Variants in NDST1 observed in about 807,000 individuals in gnomAD.
NDST1 encodes the protein N-deacetylase and N-sulfotransferase 1, also known as bifunctional heparan sulfate N-deacetylase/N-sulfotransferase 1.
A neutral mutation model predicts 92.8 loss-of-function variants in NDST1; 35 were observed. The observed-to-expected ratio is 0.38, with a 90% CI of 0.29 to 0.50. The LOEUF is 0.50. Ranked by LOEUF, NDST1 falls within the 20% of genes least tolerant of loss-of-function variation. The pLI is 0.94. For missense variants in NDST1, 822 were observed against 1,182.7 expected (o/e 0.69, Z 4.47); for synonymous variants, 493 against 500.3 (o/e 0.99, Z 0.19).
intron 13 of NDST1, among the ~76,000 whole-genome samples, chr5:150,550,120 TTA>T (rs899434056): frequency 3.3e-5 from 5 of 151,752 alleles, no homozygotes; most frequent in African/African-American, 4.8e-5. Context: ...TTTTTTTTTT[TTA>T]GACAGGGTCA....
chr5:150,544,755 G>A (rs978598867), intron 10 of NDST1, among the ~76,000 whole-genome samples: 2 of 152,332 alleles, frequency 1.3e-5, no homozygotes, highest in East Asian at 3.9e-4. Flanking sequence ...CATTAGTCTG[G>A]AAAGCCGTGC....
chr5:150,544,679 G>T (rs1581404523), intron 10 of NDST1, among the ~76,000 whole-genome samples: 1 of 152,226 alleles, frequency 6.6e-6, no homozygotes, highest in Non-Finnish European at 1.5e-5. Flanking sequence ...GGAGGGTCTG[G>T]AGTGTTCCTT....
Position 150,558,200 on chromosome 5 carries a change from G to A in NDST1, c.*4868G>A, listed in dbSNP as rs567388325. On this transcript the variant is annotated 3_prime_UTR_variant, in exon 15 of 15. Coordinates refer to ENST00000261797, the MANE Select transcript of NDST1 (RefSeq NM_001543.5). ...TCGAACTAACTGCTAATAAAGTGGG[G>A]TTCTGTTTGTACACCTTGGTCCTGT... 2 of 152,782 alleles carry A rather than the reference G, an allele frequency of 1.3e-5. No individual in the cohort carries two copies. Among genetic ancestry groups the A allele is most frequent in the East Asian group, 3.9e-4 (2 of 5,186 alleles). The allele number at this position is 152,782 out of a possible 1,614,324, so 9.5% of individuals were successfully genotyped here.
Position 150,539,314 on chromosome 5 carries a change from C to A in NDST1, c.1524C>A (p.Ile508=). The A allele has an allele frequency of 6.2e-7, 1 of 1,614,170 alleles. No individual in the cohort carries two copies. Among genetic ancestry groups the A allele is most frequent in the Non-Finnish European group, 8.5e-7 (1 of 1,180,034 alleles). The change falls in exon 7 of 15, where the codon ATC becomes ATA. Residue 508 remains isoleucine (I), a synonymous_variant. Transcript: ENST00000261797. ...YPGGSSELDK[I]INGGELFLTV... ...GCGGCTCCAGTGAGCTGGACAAGAT[C>A]ATCAACGGGGGCGAGCTCTTCCTCA...
At chr5:150,535,257 G>A (rs1393371825) in intron 5 of NDST1, 2 of 951,396 alleles carry the variant, frequency 2.1e-6, no homozygotes, top group African/African-American at 1.8e-5. Context: ...CTACTAAGAG[G>A]TCCAGCTGGG....
chr5:150,507,707 A>T (rs1021893459), upstream of NDST1: 11 of 152,404 alleles, frequency 7.2e-5, no homozygotes, highest in African/African-American at 2.4e-4. Flanking sequence ...AGGTGGGGAA[A>T]CTGAGGTCTG....
chr5:150,526,763 G>T (rs908587087), intron 2 of NDST1, among the ~76,000 whole-genome samples: 1 of 152,238 alleles, frequency 6.6e-6, no homozygotes, highest in African/African-American at 2.4e-5. Context: ...AGACGGAATG[G>T]AATTGGCACA....
At chr5:150,526,965 G>A (rs1338348971) in intron 2 of NDST1, among the ~76,000 whole-genome samples, 3 of 152,240 alleles carry the variant, frequency 2.0e-5, no homozygotes, top group African/African-American at 4.8e-5. Flanking sequence ...GCAGTGACCG[G>A]GCAGGCACCA....
chr5:150,506,038 A>G (rs1484837825), upstream of NDST1, among the ~76,000 whole-genome samples: 1 of 152,188 alleles, frequency 6.6e-6, no homozygotes, highest in Non-Finnish European at 1.5e-5. Flanking sequence ...GGCCGGGCCT[A>G]GGATGAGGCA....
intron 10 of NDST1, among the ~76,000 whole-genome samples, chr5:150,543,866 G>C (rs566629692): frequency 1.3e-5 from 2 of 151,560 alleles, no homozygotes; most frequent in South Asian, 4.2e-4. Context: ...TGCAACCTCT[G>C]CTTCCCGGGT....
At chr5:150,505,649 G>T (rs375888245), upstream of NDST1, among the ~76,000 whole-genome samples, 8 of 152,140 alleles carry the variant, frequency 5.3e-5, no homozygotes, top group East Asian at 5.8e-4. Flanking sequence ...AGGAAGCTGG[G>T]GCCACTGTGC....
intron 1 of NDST1, among the ~76,000 whole-genome samples, chr5:150,512,057 C>T (rs1404472156): frequency 2.0e-5 from 3 of 152,042 alleles, no homozygotes; most frequent in African/African-American, 7.3e-5. Context: ...GGCCTGCAGC[C>T]ACTGCTACGC....
At position 150,521,900 on chromosome 5, in the gene NDST1, A is replaced by G. The variant is rs1581367073; in HGVS notation, c.513+133A>G. Reference sequence around the variant, plus strand: ...TGTTGGGAGGGTTAAATGAGTGAGTATATGTAAAGCACTGGGAGCATGCGG... The same window carrying G: ...TGTTGGGAGGGTTAAATGAGTGAGTGTATGTAAAGCACTGGGAGCATGCGG... On this transcript the variant is annotated intron_variant, in intron 2 of 14. Coordinates refer to ENST00000261797, the MANE Select transcript of NDST1 (RefSeq NM_001543.5). The surrounding 1 kb of genome is among the most constrained non-coding windows in gnomAD (Gnocchi z 5.9). 3 of 1,193,394 alleles carry G rather than the reference A, an allele frequency of 2.5e-6. No individual in the cohort carries two copies. The East Asian group carries it at 7.3e-5, about 29-fold the overall frequency. The allele number at this position is 1,193,394 out of a possible 1,614,324, so 73.9% of individuals were successfully genotyped here. A position where few individuals can be genotyped will look rare whatever the true frequency, so the allele number is the denominator to read the frequency against.
In NDST1 at chr5:150,556,156, A is replaced by G. The variant is rs1417714345; in HGVS notation, c.*2824A>G. On this transcript the variant is annotated 3_prime_UTR_variant, in exon 15 of 15. Transcript: ENST00000261797. ...TCACTCTAAGCATTTGGCCAAAAAA[A>G]GGAGAGAGAAATAACTGAAATTGTT... The G allele has an allele frequency of 1.3e-5, 2 of 152,250 alleles. No individual in the cohort carries two copies. Among genetic ancestry groups the G allele is most frequent in the Non-Finnish European group, 2.9e-5 (2 of 68,066 alleles). 9.4% of individuals were successfully genotyped at this position (152,250 alleles called of 1,614,324 possible).
intron 1 of NDST1, among the ~76,000 whole-genome samples, chr5:150,520,031 A>G (rs1754172433): frequency 6.6e-6 from 1 of 152,060 alleles, no homozygotes; most frequent in African/African-American, 2.4e-5. Flanking sequence ...CAGGAAGGCT[A>G]TTTGGTCATC....
chr5:150,542,262 G>T (rs1016604195), intron 9 of NDST1, among the ~76,000 whole-genome samples: 12 of 152,108 alleles, frequency 7.9e-5, no homozygotes, highest in African/African-American at 2.7e-4. Flanking sequence ...TCTCTTCTGG[G>T]CTCTCTCATT....
In NDST1 at chr5:150,521,165, A is replaced by G. The variant is rs552027881; in HGVS notation, c.-90A>G. ...CTAAGTCTCTGTGAATTTGTTGGTC[A>G]GTGGACGATTCTCGTGTCTCCTCCT... is the stretch of plus-strand genomic sequence containing the variant. On this transcript the variant is annotated 5_prime_UTR_variant, in exon 2 of 15. Transcript: ENST00000261797. This position sits in a 1 kb window ranked among gnomAD's most constrained non-coding sequence, Gnocchi z 5.9. The G allele has an allele frequency of 5.0e-6, 6 of 1,189,086 alleles. No individual in the cohort carries two copies. The African/African-American group carries it at 6.1e-5, about 12-fold the overall frequency. The allele number at this position is 1,189,086 out of a possible 1,614,324, so 73.7% of individuals were successfully genotyped here.
chr5:150,510,548 G>A (rs1299333389), intron 1 of NDST1, among the ~76,000 whole-genome samples: 8 of 152,198 alleles, frequency 5.3e-5, no homozygotes, highest in Non-Finnish European at 1.0e-4. Flanking sequence ...GTGACCTGCC[G>A]TGTTCCCCAC....
rs6890812 is a variant in NDST1, at chr5:150,534,809, C to T, written c.1097-58C>T. ...TGCTCTCCCATCCCCAGGCACAGGC[C>T]CAGGTTAGAGGGCCTCATGGCCCAG... On this transcript the variant is annotated intron_variant, in intron 4 of 14. Coordinates refer to ENST00000261797, the MANE Select transcript of NDST1 (RefSeq NM_001543.5). 18 of 1,610,996 alleles carry T rather than the reference C, an allele frequency of 1.1e-5. No individual in the cohort carries two copies. The African/African-American group carries it at 2.3e-4, about 20-fold the overall frequency.
Sources: gnomAD v4.1 joint callset for allele counts (sites outside exome capture counted in the v4.1 genomes callset) on GRCh38, gnomAD v4.1.1 for gene constraint, Gnocchi (gnomAD v3.1) non-coding constraint, MANE v1.5 for transcripts, NCBI Gene and HGNC (gene_info 2026-07-23, HGNC 2026-07-21) for gene names.